RALGPS2: variants seen among roughly 807,000 people sequenced by gnomAD.
RALGPS2 encodes Ral GEF with PH domain and SH3 binding motif 2, also known as ras-specific guanine nucleotide-releasing factor RalGPS2.
Under a neutral mutation model 86.8 loss-of-function variants are expected in RALGPS2, and 43 were observed. That is an observed-to-expected ratio of 0.50 (90% confidence interval 0.39 to 0.64). The LOEUF (loss-of-function observed/expected upper bound fraction) is 0.64. Ranked by LOEUF, RALGPS2 falls within the 30% of genes least tolerant of loss-of-function variation. The pLI, the probability that RALGPS2 is intolerant of heterozygous loss-of-function variation, is 0.00. For missense variants in RALGPS2, 536 were observed against 694.6 expected, an observed-to-expected ratio of 0.77 and a Z score of 2.57; for synonymous variants, 243 against 231.3, an observed-to-expected ratio of 1.05 and a Z score of -0.46.
chr1:178,730,670 C>T (rs972622881), intron 1 of RALGPS2, among the ~76,000 whole-genome samples: 76 of 149,602 alleles, frequency 5.1e-4, no homozygotes, highest in African/African-American at 1.8e-3. Flanking sequence ...TGTGACTTCC[C>T]TTCATCATGA....
intron 8 of RALGPS2, chr1:178,853,091 C>T: frequency 1.4e-6 from 2 of 1,429,548 alleles, no homozygotes; most frequent in Non-Finnish European, 1.8e-6. Context: ...TTTAGTTGGT[C>T]ACTTGCGTTT....
intron 6 of RALGPS2, among the ~76,000 whole-genome samples, chr1:178,818,618 T>C (rs1054674627): frequency 2.6e-5 from 4 of 151,862 alleles, no homozygotes; most frequent in African/African-American, 9.7e-5. Flanking sequence ...CCATTAGGAG[T>C]GAATCAGTGG....
intron 8 of RALGPS2, chr1:178,869,128 C>A (rs928402959): frequency 6.6e-6 from 1 of 151,892 alleles, no homozygotes; most frequent in Non-Finnish European, 1.5e-5. Flanking sequence ...AAATTTAAGT[C>A]TTTACTTAGT....
At chr1:178,812,423 A>G (rs1655028405) in intron 6 of RALGPS2, among the ~76,000 whole-genome samples, 1 of 152,172 alleles carries the variant, frequency 6.6e-6, no homozygotes. Context: ...CCTATGGTTG[A>G]GTTAATCTTT....
At position 178,915,608 on chromosome 1, in the gene RALGPS2, T is replaced by G. The variant is rs562956197; in HGVS notation, c.1723-722T>G. Among the ~76,000 whole-genome samples, 6 of 152,374 alleles carry G rather than the reference T, an allele frequency of 3.9e-5. No individual in the cohort carries two copies. In the South Asian group the frequency reaches 1.2e-3, roughly 32 times the overall value. ...TTGAGCATTTGTGTTGTATTTGATT[T>G]GTAATTCAGTTATGAGTACATTGGC... On this transcript the variant is annotated intron_variant, in intron 19 of 19. Transcript: ENST00000367635.
Position 178,788,866 on chromosome 1 carries a change from TTTTCTTTTCTTTTC to T in RALGPS2, c.213+3267_213+3280del, listed in dbSNP as rs558704360. On this transcript the variant is annotated intron_variant, in intron 4 of 19. Coordinates refer to ENST00000367635, the MANE Select transcript of RALGPS2 (RefSeq NM_152663.5). ...CTTTCTTTTCTTTTCTTTTCTTTTC[TTTTCTTTTCTTTTC>T]TTTCTTTCTTTCCTTTCTTTCTTCT... 5.5e-4 allele frequency among the ~76,000 whole-genome samples: 82 copies of T among 148,670 alleles called. No individual in the cohort carries two copies. In the Middle Eastern group the frequency reaches 0.014, roughly 25 times the overall value.
chr1:178,738,914 C>A (rs1650870599), intron 1 of RALGPS2, among the ~76,000 whole-genome samples: 1 of 152,160 alleles, frequency 6.6e-6, no homozygotes, highest in Admixed American at 6.5e-5. Context: ...TATACCTCTT[C>A]CAGTCCTGAT....
At chr1:178,896,211 CA>C (rs1173874737) in intron 16 of RALGPS2, among the ~76,000 whole-genome samples, 4 of 151,898 alleles carry the variant, frequency 2.6e-5, no homozygotes, top group Admixed American at 1.3e-4. Flanking sequence ...GCCCAAAAGC[CA>C]AATGAAATGA....
chr1:178,784,308 G>A, intron 2 of RALGPS2, 110 bp from the exon 3 acceptor site: 1 of 670,638 alleles, frequency 1.5e-6, no homozygotes, highest in East Asian at 3.0e-5. Context: ...CTTTTCTGCA[G>A]CATTTGTTAA....
At chr1:178,816,250 AT>A (rs997723663) in intron 6 of RALGPS2, among the ~76,000 whole-genome samples, 12 of 148,186 alleles carry the variant, frequency 8.1e-5, no homozygotes, top group South Asian at 2.1e-4. Flanking sequence ...TTGGTGTTTA[AT>A]TTTTTTTTTT....
intron 7 of RALGPS2, among the ~76,000 whole-genome samples, chr1:178,824,396 G>C (rs1305069715): frequency 6.6e-6 from 1 of 152,072 alleles, no homozygotes; most frequent in East Asian, 1.9e-4. Context: ...TTTTATGTTG[G>C]TGGCAATAAT....
At chr1:178,847,981 A>G (rs925908003) in intron 8 of RALGPS2, among the ~76,000 whole-genome samples, 5 of 152,168 alleles carry the variant, frequency 3.3e-5, no homozygotes, top group South Asian at 2.1e-4. Context: ...TTAGTCCAGA[A>G]TAGAGTCTAT....
chr1:178,884,113 G>T (rs978000507), intron 11 of RALGPS2, among the ~76,000 whole-genome samples: 5 of 152,122 alleles, frequency 3.3e-5, no homozygotes, highest in African/African-American at 4.8e-5. Context: ...ATTCATTTTT[G>T]ATTAAGAATG....
At chr1:178,775,173 T>G (rs917209077) in intron 1 of RALGPS2, among the ~76,000 whole-genome samples, 6 of 152,188 alleles carry the variant, frequency 3.9e-5, no homozygotes, top group Non-Finnish European at 5.9e-5. Flanking sequence ...ATTATCTCAT[T>G]TCGCTTCACC....
chr1:178,799,461 T>C (rs899639465), intron 4 of RALGPS2, among the ~76,000 whole-genome samples: 2 of 152,116 alleles, frequency 1.3e-5, no homozygotes, highest in Non-Finnish European at 2.9e-5. Flanking sequence ...CTAACTCTAC[T>C]GTTTTGTGCA....
chr1:178,752,317 A>ATTTT (rs562112755), intron 1 of RALGPS2, among the ~76,000 whole-genome samples: 1 of 137,196 alleles, frequency 7.3e-6, no homozygotes, highest in Non-Finnish European at 1.5e-5. Flanking sequence ...CTAATTTTTA[A>ATTTT]TTTTTTTTTT....
intron 1 of RALGPS2, among the ~76,000 whole-genome samples, chr1:178,729,066 A>G (rs1390465576): frequency 2.6e-5 from 4 of 152,200 alleles, no homozygotes; most frequent in African/African-American, 9.6e-5. Context: ...TGGCTTTTGA[A>G]TAATACATTG....
At position 178,914,667 on chromosome 1, in the gene RALGPS2, C is replaced by T. The variant is rs545312536; in HGVS notation, c.1723-1663C>T. ...CTAGTTGGCCATCTTGTCCCAATCC[C>T]GAGGGCATTTTTTTAAAATATTGTT... On this transcript the variant is annotated intron_variant, in intron 19 of 19. Coordinates refer to ENST00000367635, the MANE Select transcript of RALGPS2 (RefSeq NM_152663.5). Among the ~76,000 whole-genome samples the T allele has an allele frequency of 5.3e-5, 8 of 151,904 alleles. No homozygotes were observed. The East Asian group carries it at 9.7e-4, about 18-fold the overall frequency.
At chr1:178,731,286 T>G (rs1411586661) in intron 1 of RALGPS2, among the ~76,000 whole-genome samples, 8 of 118,140 alleles carry the variant, frequency 6.8e-5, no homozygotes, top group Non-Finnish European at 1.0e-4. Flanking sequence ...TTTTTTTTTT[T>G]TTTTTTTTTT....
Sources: gnomAD v4.1 joint callset for allele counts (sites outside exome capture counted in the v4.1 genomes callset) on GRCh38, gnomAD v4.1.1 for gene constraint, MANE v1.5 for transcripts, NCBI Gene and HGNC (gene_info 2026-07-23, HGNC 2026-07-21) for gene names.